The following SGCD variants were observed in gnomAD, a reference collection of about 807,000 sequenced individuals.
The protein encoded by SGCD is sarcoglycan delta.
Under a neutral mutation model 36.6 loss-of-function variants are expected in SGCD, and 18 were observed. The observed-to-expected ratio is 0.49, with a 90% CI of 0.34 to 0.73. SGCD has a LOEUF of 0.73. SGCD is among the 30% of genes least tolerant of loss of function. The pLI is 0.01. For missense variants in SGCD, 387 were observed against 346.7 expected (o/e 1.12, Z -0.92); for synonymous variants, 133 against 130.6 (o/e 1.02, Z -0.12).
At position 156,765,159 on chromosome 5, in the gene SGCD, G is replaced by A. The variant is rs1757564910; in HGVS notation, c.*5769G>A. ...AAATCCACCCCACATGCCTAGAGTT[G>A]TCTAATAGTCCCTCACTTTCCAATG... On this transcript the variant is annotated 3_prime_UTR_variant, in exon 9 of 9. Coordinates refer to ENST00000337851, the MANE Select transcript of SGCD (RefSeq NM_000337.6). 1 of 152,152 alleles carries A rather than the reference G, an allele frequency of 6.6e-6. No individual in the cohort carries two copies. Among genetic ancestry groups the A allele is most frequent in the Admixed American group, 6.5e-5 (1 of 15,274 alleles). 9.4% of individuals were successfully genotyped at this position (152,152 alleles called of 1,614,324 possible). A position where few individuals can be genotyped will look rare whatever the true frequency, so the allele number is the denominator to read the frequency against.
chr5:156,653,507 T>TTTTTTTTTTTTTTTTTTTTTC (rs1763553209), intron 7 of SGCD, among the ~76,000 whole-genome samples: 2 of 143,262 alleles, frequency 1.4e-5, no homozygotes, highest in African/African-American at 2.6e-5. Context: ...TTTTTTTTTT[T>TTTTTTTTTTTTTTTTTTTTTC]TGCCCCTGTT....
chr5:155,937,623 T>A (rs1252059500), intron 1 of SGCD, among the ~76,000 whole-genome samples: 1 of 152,108 alleles, frequency 6.6e-6, no homozygotes, highest in Non-Finnish European at 1.5e-5. Context: ...ATGAACAAAC[T>A]TGGGGAATTT....
the SGCD span, among the ~76,000 whole-genome samples, chr5:155,768,286 GTTTTAGTT>G: frequency 1.0e-5 from 1 of 95,756 alleles, no homozygotes; most frequent in African/African-American, 4.8e-5. Context: ...TGTTGTTGTT[GTTTTAGTT>G]TTTTTTTTCC....
chr5:156,735,252 G>A (rs1221693481), intron 7 of SGCD, among the ~76,000 whole-genome samples: 1 of 152,200 alleles, frequency 6.6e-6, no homozygotes, highest in Admixed American at 6.5e-5. Flanking sequence ...ACCCAGTGAT[G>A]AGGAATGGGG....
intron 3 of SGCD, among the ~76,000 whole-genome samples, chr5:156,309,428 T>G (rs1286632354): frequency 6.6e-6 from 1 of 152,012 alleles, no homozygotes; most frequent in Non-Finnish European, 1.5e-5. Flanking sequence ...TCTGCTTGCT[T>G]AAATCTGCGT....
chr5:156,294,000 A>C (rs567570226), intron 3 of SGCD, among the ~76,000 whole-genome samples: 6 of 152,186 alleles, frequency 3.9e-5, no homozygotes, highest in Admixed American at 2.0e-4. Context: ...TGTCTTTTTA[A>C]ATTTCTTTCA....
intron 4 of SGCD, among the ~76,000 whole-genome samples, chr5:156,554,900 T>C (rs1758957936): frequency 6.6e-6 from 1 of 152,136 alleles, no homozygotes; most frequent in Non-Finnish European, 1.5e-5. Context: ...TCACCAACAC[T>C]TGTTTTCTGT....
chr5:156,492,998 A>G (rs1178705678), intron 3 of SGCD, among the ~76,000 whole-genome samples: 2 of 152,132 alleles, frequency 1.3e-5, no homozygotes, highest in African/African-American at 2.4e-5. Flanking sequence ...AGTCTTTGCT[A>G]TTGTGAACAG....
At chr5:155,728,419 G>C in the SGCD span, among the ~76,000 whole-genome samples, 4 of 152,220 alleles carry the variant, frequency 2.6e-5, no homozygotes, top group Non-Finnish European at 5.9e-5. Flanking sequence ...CTGGCGAGCC[G>C]GCGAAGCACC....
At chr5:155,894,608 G>C (rs1756208034) in intron 1 of SGCD, among the ~76,000 whole-genome samples, 1 of 152,148 alleles carries the variant, frequency 6.6e-6, no homozygotes, top group African/African-American at 2.4e-5. Context: ...TACCGCCTGA[G>C]CTCTGCCTCC....
In SGCD at chr5:156,383,199, T is replaced by G. The variant is rs372365791; in HGVS notation, c.192+38522T>G. Among the ~76,000 whole-genome samples, 23 of 152,248 alleles carry G rather than the reference T, an allele frequency of 1.5e-4. No individual in the cohort carries two copies. The East Asian group carries it at 3.1e-3, about 20-fold the overall frequency. ...CTGGGGCTTATCAACATGGAAAGTT[T>G]GATGCTTAGAAATAGAGGTATTGGC... On this transcript the variant is annotated intron_variant, in intron 3 of 8. Coordinates refer to ENST00000337851, the MANE Select transcript of SGCD (RefSeq NM_000337.6).
At chr5:156,634,335 G>A (rs186540957) in intron 6 of SGCD, among the ~76,000 whole-genome samples, 27 of 152,278 alleles carry the variant, frequency 1.8e-4, no homozygotes, top group African/African-American at 5.8e-4. Flanking sequence ...GTGATGAGTT[G>A]ATCTGTGCAG....
At chr5:155,941,960 C>T (rs1234009820) in intron 1 of SGCD, among the ~76,000 whole-genome samples, 1 of 152,052 alleles carries the variant, frequency 6.6e-6, no homozygotes, top group African/African-American at 2.4e-5. Context: ...AGAAGGTCAC[C>T]CATTATTAGC....
chr5:156,593,947 T>C (rs1209747987), intron 5 of SGCD, among the ~76,000 whole-genome samples: 1 of 152,204 alleles, frequency 6.6e-6, no homozygotes, highest in African/African-American at 2.4e-5. Context: ...CTGTAGGAAC[T>C]TCTAGTTGAA....
chr5:156,390,795 TAAAG>T (rs1344287668), intron 3 of SGCD, among the ~76,000 whole-genome samples: 2 of 152,110 alleles, frequency 1.3e-5, no homozygotes, highest in Non-Finnish European at 2.9e-5. Flanking sequence ...AATAAGGGTA[TAAAG>T]AAAGAAAATA....
intron 1 of SGCD, among the ~76,000 whole-genome samples, chr5:155,886,132 C>T (rs959906698): frequency 1.3e-5 from 2 of 152,072 alleles, no homozygotes; most frequent in African/African-American, 4.8e-5. Flanking sequence ...TTAGTGATGG[C>T]TCTTTAGGTT....
the SGCD span, among the ~76,000 whole-genome samples, chr5:155,740,662 T>G: frequency 8.6e-5 from 13 of 151,802 alleles, no homozygotes; most frequent in Non-Finnish European, 1.9e-4. Flanking sequence ...CTATACTCTT[T>G]GTAATTTTAT....
the SGCD span, among the ~76,000 whole-genome samples, chr5:155,753,035 G>C: frequency 6.6e-6 from 1 of 152,022 alleles, no homozygotes; most frequent in Non-Finnish European, 1.5e-5. Flanking sequence ...GGTTGCTCTG[G>C]TTACAAGAAG....
intron 1 of SGCD, among the ~76,000 whole-genome samples, chr5:156,094,853 T>G (rs1761337407): frequency 6.6e-6 from 1 of 152,010 alleles, no homozygotes; most frequent in Non-Finnish European, 1.5e-5. Flanking sequence ...ATACAAAAAT[T>G]AGCTGGGCGT....
Sources: allele counts gnomAD v4.1 joint callset (sites outside exome capture counted in the v4.1 genomes callset), GRCh38; gene constraint gnomAD v4.1.1; transcripts MANE v1.5; gene names NCBI Gene and HGNC (gene_info 2026-07-23, HGNC 2026-07-21).